Variants in ZNF157 observed in about 807,000 individuals in gnomAD.
ZNF157 encodes zinc finger protein 157, also known as zinc finger protein 22.
In ZNF157, 8 loss-of-function variants were observed where a neutral mutation model predicts 9.4. The observed-to-expected ratio is 0.85, with a 90% confidence interval of 0.50 to 1.53. ZNF157 has a LOEUF of 1.53. Among genes scored for constraint, ZNF157 ranks in the 40% most tolerant of loss-of-function variants. ZNF157 has a pLI of 0.00. For synonymous variants in ZNF157, 120 were observed against 130.8 expected (o/e 0.92, Z 0.56); for missense variants, 316 against 385.2 (o/e 0.82, Z 1.50).
chrX:47,390,455 C>T (rs1169077570), intron 1 of ZNF157: 2 of 112,289 alleles, frequency 1.8e-5, no homozygotes, highest in African/African-American at 6.5e-5. Context: ...ACAAAATGCC[C>T]AGCACTTTGG....
intron 3 of ZNF157, among the ~76,000 whole-genome samples, chrX:47,411,448 C>T (rs572443156): frequency 6.3e-5 from 7 of 110,931 alleles, no homozygotes; most frequent in African/African-American, 1.6e-4. Flanking sequence ...CTCACCTGCC[C>T]GGTTTAAACG....
rs558034091 is a variant in ZNF157 at position 47,400,628 on chromosome X, T to C, written c.73-9648T>C. Among the ~76,000 whole-genome samples, 17 of 111,781 alleles carry C rather than the reference T, an allele frequency of 1.5e-4. No homozygotes were observed. In the South Asian group the frequency reaches 5.9e-3, roughly 39 times the overall value. ...AAGAGATGTAACATGGCAGTCTAAA[T>C]TGGTGTAGTATCTTCTGTTTCTTTT... On this transcript the variant is annotated intron_variant, in intron 1 of 3. Transcript: ENST00000377073.
intron 1 of ZNF157, among the ~76,000 whole-genome samples, chrX:47,385,864 G>A (rs748979928): frequency 9.0e-5 from 10 of 110,588 alleles, no homozygotes; most frequent in African/African-American, 2.3e-4. Context: ...CACTGCACCC[G>A]GCCATGATTC....
chrX:47,396,281 T>G (rs1602768301), intron 1 of ZNF157, among the ~76,000 whole-genome samples: 1 of 111,023 alleles, frequency 9.0e-6, no homozygotes, highest in East Asian at 2.8e-4. Context: ...AGCTCATGCC[T>G]GTAATCCCAG....
In ZNF157 at chrX:47,411,645, G is replaced by C. The variant is rs780265982; in HGVS notation, c.296-724G>C. Among the ~76,000 whole-genome samples, 4 of 110,501 alleles carry C rather than the reference G, an allele frequency of 3.6e-5. No individual in the cohort carries two copies. In the South Asian group the frequency reaches 1.5e-3, roughly 43 times the overall value. The stretch of plus-strand genomic sequence containing the variant: ...GGCCTCCCGAAGTGCTAGGGTCAGA[G>C]GTATGAGCCACCACACCTGGCAACA... On this transcript the variant is annotated intron_variant, in intron 3 of 3. Transcript: ENST00000377073.
At chrX:47,411,646 G>T (rs2055965633) in intron 3 of ZNF157, among the ~76,000 whole-genome samples, 1 of 111,027 alleles carries the variant, frequency 9.0e-6, no homozygotes, top group Non-Finnish European at 1.9e-5. Flanking sequence ...AGGGTCAGAG[G>T]TATGAGCCAC....
At chrX:47,377,842 C>G (rs918159046) in intron 1 of ZNF157, among the ~76,000 whole-genome samples, 1 of 107,589 alleles carries the variant, frequency 9.3e-6, no homozygotes, top group Non-Finnish European at 1.9e-5. Flanking sequence ...TTTTTATATG[C>G]TTATTTACCA....
At chrX:47,411,469 G>A (rs907550421) in intron 3 of ZNF157, among the ~76,000 whole-genome samples, 1 of 110,008 alleles carries the variant, frequency 9.1e-6, no homozygotes, top group Non-Finnish European at 1.9e-5. Context: ...ACCTTTCCAG[G>A]GCAACCTCCC....
At chrX:47,376,124 A>T (rs2055844177) in intron 1 of ZNF157, among the ~76,000 whole-genome samples, 1 of 112,001 alleles carries the variant, frequency 8.9e-6, no homozygotes, top group Admixed American at 9.6e-5. Flanking sequence ...TGATAGTTCC[A>T]TGAATTGGAA....
intron 1 of ZNF157, 125 bp from the exon 2 acceptor site, chrX:47,410,151 A>C: frequency 1.0e-6 from 1 of 971,057 alleles, no homozygotes; most frequent in Admixed American, 2.3e-5. Context: ...ATCAAGCGAG[A>C]CACAAAATCA....
rs188894096 is a variant in ZNF157 at position 47,376,281 on chromosome X, A to G, written c.72+5541A>G. ...GAACTCAATTGGCTAAATAACTAGG[A>G]GCATAATTGCTATGTCATATAAGCT... On this transcript the variant is annotated intron_variant, in intron 1 of 3. Transcript: ENST00000377073. Among the ~76,000 whole-genome samples, 130 of 112,281 alleles carry G rather than the reference A, an allele frequency of 1.2e-3. 1 individual carries two copies. Among genetic ancestry groups the G allele is most frequent in the South Asian group, 2.2e-3 (6 of 2,744 alleles).
In ZNF157 at chrX:47,370,659, C is replaced by G; in HGVS notation, c.-10C>G. 1 of 1,203,882 alleles carries G rather than the reference C, an allele frequency of 8.3e-7. No individual in the cohort carries two copies. The highest frequency in any genetic ancestry group is 1.1e-6 in the Non-Finnish European group (1 of 891,594). On this transcript the variant is annotated 5_prime_UTR_variant, in exon 1 of 4. Transcript: ENST00000377073. ...CCAGCACGGAAGGTGGGCTGAGGCC[C>G]AGGGTGAACATGCCAGCTAATGGGA...
intron 1 of ZNF157, 90 bp downstream of exon 1, chrX:47,370,830 C>T: frequency 7.2e-6 from 6 of 829,945 alleles, no homozygotes; most frequent in Non-Finnish European, 9.8e-6. Flanking sequence ...ATTGTAGATT[C>T]AAATGCAATG....
chrX:47,378,247 G>A (rs1175811407), intron 1 of ZNF157, among the ~76,000 whole-genome samples: 3 of 110,825 alleles, frequency 2.7e-5, no homozygotes, highest in Non-Finnish European at 5.7e-5. Context: ...CTGGGTGGGG[G>A]CCACAAGACC....
chrX:47,410,114 T>A (rs2055959629), intron 1 of ZNF157, among the ~76,000 whole-genome samples, 162 bp from the exon 2 acceptor site: 1 of 111,447 alleles, frequency 9.0e-6, no homozygotes, highest in East Asian at 2.8e-4. Context: ...ACAGAGCTGT[T>A]CCAGGTACCC....
intron 1 of ZNF157, among the ~76,000 whole-genome samples, chrX:47,377,831 C>G (rs962332711): frequency 2.8e-5 from 3 of 108,365 alleles, no homozygotes; most frequent in African/African-American, 1.0e-4. Flanking sequence ...TGTTGAGGAC[C>G]TTTTTATATG....
intron 1 of ZNF157, among the ~76,000 whole-genome samples, chrX:47,408,739 G>A (rs1282738806): frequency 5.4e-5 from 6 of 111,752 alleles, no homozygotes; most frequent in Admixed American, 1.9e-4. Context: ...TACATGGCCA[G>A]AGCAGGAGGA....
chrX:47,405,501 T>TC (rs1361582995), intron 1 of ZNF157, among the ~76,000 whole-genome samples: 1 of 111,046 alleles, frequency 9.0e-6, no homozygotes, highest in Non-Finnish European at 1.9e-5. Flanking sequence ...TTGCATGGGG[T>TC]CACAGAGCCA....
rs2055955021 is a variant in ZNF157, at chrX:47,408,859, A to G, written c.73-1417A>G. 2.7e-5 allele frequency among the ~76,000 whole-genome samples: 3 copies of G among 111,509 alleles called. No homozygotes were observed. The Admixed American group carries it at 2.9e-4, about 11-fold the overall frequency. On this transcript the variant is annotated intron_variant, in intron 1 of 3. Transcript: ENST00000377073. ...TGTTAAATCATGAGAAACCACCCCC[A>G]TGATCCAATCCCCTCCCACCAGGCC...
Sources: allele counts gnomAD v4.1 joint callset (sites outside exome capture counted in the v4.1 genomes callset), GRCh38; gene constraint gnomAD v4.1.1; transcripts MANE v1.5; gene names NCBI Gene and HGNC (gene_info 2026-07-23, HGNC 2026-07-21).